The following PLIN3 variants were observed in gnomAD, a reference collection of about 807,000 sequenced individuals.
PLIN3 encodes perilipin 3, also known as perilipin-3.
PLIN3 carries 30 observed loss-of-function variants against 35.9 expected under a neutral mutation model. That is an observed-to-expected ratio of 0.84 (90% CI 0.62 to 1.13). The LOEUF is 1.13. Among genes scored for constraint, PLIN3 ranks in the 50% most tolerant of loss-of-function variants. The pLI is 0.00. For missense variants in PLIN3, 603 were observed against 596.9 expected (o/e 1.01, Z -0.11); for synonymous variants, 261 against 262.5 (o/e 0.99, Z 0.06).
chr19:4,861,554 A>G (rs965197012), intron 1 of PLIN3, 143 bp from the exon 2 acceptor site: 3 of 613,786 alleles, frequency 4.9e-6, no homozygotes, highest in East Asian at 2.8e-5. Flanking sequence ...CAGGCACAAG[A>G]GTGACCTCTG....
intron 2 of PLIN3, among the ~76,000 whole-genome samples, chr19:4,861,091 A>G (rs1186871087): frequency 6.6e-6 from 1 of 152,122 alleles, no homozygotes; most frequent in Non-Finnish European, 1.5e-5. Context: ...GGGGTTGGGG[A>G]GGGCAGGTAG....
chr19:4,848,770 G>C (rs1264486689), intron 5 of PLIN3, among the ~76,000 whole-genome samples: 1 of 152,138 alleles, frequency 6.6e-6, no homozygotes, highest in Non-Finnish European at 1.5e-5. Flanking sequence ...AGGAGGCTGA[G>C]GCAGGAGAAT....
intron 6 of PLIN3, among the ~76,000 whole-genome samples, chr19:4,847,083 TTTC>T (rs2030122704): frequency 6.6e-6 from 1 of 151,716 alleles, no homozygotes; most frequent in East Asian, 1.9e-4. Context: ...AGAGATGGGG[TTTC>T]ACCATGTTGG....
At chr19:4,846,686 G>A (rs867262362) in intron 6 of PLIN3, among the ~76,000 whole-genome samples, 15 of 151,970 alleles carry the variant, frequency 9.9e-5, no homozygotes, top group Admixed American at 4.6e-4. Context: ...GCAACAGAGC[G>A]AGACTCCGTT....
chr19:4,863,369 T>C (rs1169851262), intron 1 of PLIN3, among the ~76,000 whole-genome samples: 1 of 143,630 alleles, frequency 7.0e-6, no homozygotes, highest in African/African-American at 2.6e-5. Flanking sequence ...TGGTGGCGAA[T>C]GCCTGTAATC....
At chr19:4,843,718 C>T (rs2029987913) in intron 7 of PLIN3, among the ~76,000 whole-genome samples, 2 of 151,908 alleles carry the variant, frequency 1.3e-5, no homozygotes, top group African/African-American at 4.8e-5. Context: ...CGCCTGTGTT[C>T]CCAGCTACTT....
chr19:4,847,700 G>A lies in PLIN3; in HGVS notation c.825C>T (p.Val275=), dbSNP rs765305217. 1.2e-6 allele frequency: 2 copies of A among 1,600,090 alleles called. No homozygotes were observed. Among genetic ancestry groups the A allele is most frequent in the Non-Finnish European group, 1.7e-6 (2 of 1,173,948 alleles). ...CCCCCTGGAACCTCACCAGGCTTAG[G>A]ACCTGCGACAGCTGCAGCAGAGCCT... ...AQEALLQLSQ[V]LSLMETVKQG... is the part of the protein sequence containing the mutation. Residue 275 remains valine, a synonymous_variant, in exon 6 of 8, where the codon GTC becomes GTT. Coordinates refer to ENST00000221957, the MANE Select transcript of PLIN3 (RefSeq NM_005817.5).
chr19:4,865,740 T>TC (rs892064100), intron 1 of PLIN3, among the ~76,000 whole-genome samples: 1 of 140,196 alleles, frequency 7.1e-6, no homozygotes, highest in Non-Finnish European at 1.5e-5. Flanking sequence ...GTTTTTTTTT[T>TC]TGAGACGGAG....
intron 4 of PLIN3, among the ~76,000 whole-genome samples, chr19:4,858,692 G>GT (rs749727671): frequency 7.7e-5 from 4 of 51,946 alleles, no homozygotes; most frequent in East Asian, 5.0e-4. Context: ...AGAATATGGT[G>GT]TTTTTTTGGT....
chr19:4,847,897 G>C lies in PLIN3; in HGVS notation c.635-7C>G. The C allele has an allele frequency of 6.2e-7, 1 of 1,610,572 alleles. No homozygotes were observed. Among genetic ancestry groups the C allele is most frequent in the Non-Finnish European group, 8.5e-7 (1 of 1,177,902 alleles). On this transcript the variant is annotated splice_region_variant and splice_polypyrimidine_tract_variant and intron_variant, in intron 5 of 7. Coordinates refer to ENST00000221957, the MANE Select transcript of PLIN3 (RefSeq NM_005817.5). ...AGGGATGTGGCGATGCGGGCTGCAA[G>C]GAAAAGGAGAAGGGTCTCTGTGAAG...
chr19:4,839,509 A>C lies in PLIN3; in HGVS notation c.988T>G (p.Phe330Val), dbSNP rs2093625893. 9 of 1,537,688 alleles carry C rather than the reference A, an allele frequency of 5.9e-6. No individual in the cohort carries two copies. The East Asian group carries it at 2.0e-4, about 35-fold the overall frequency. The part of the protein sequence containing the change: ...EQVESRALTM[F>V]RDIAQQLQAT... ...TGCAGTTGCTGGGCAATGTCCCGGA[A>C]CATGGTGAGCGCCCGGGACTCGACC... is the stretch of plus-strand genomic sequence containing the variant. Residue 330 changes from phenylalanine to valine, a missense_variant, in exon 8 of 8, where the codon TTC becomes GTC. Transcript: ENST00000221957.
rs965437178 is a variant in PLIN3 at position 4,852,022 on chromosome 19, C to T, written c.628G>A (p.Glu210Lys). ...GCCCGCTGGCCACACTTACCCAGTTCGGCATCCGTAAGGGGCAGGTGGTTG... is the reference window on the plus strand; with the variant it reads ...GCCCGCTGGCCACACTTACCCAGTTTGGCATCCGTAAGGGGCAGGTGGTTG... ...ADNHLPLTDA[E>K]LARIATSLDG... Residue 210 changes from glutamate (E) to lysine (K), a missense_variant, in exon 5 of 8, where the codon GAA becomes AAA. By Grantham distance (56) the Glu-to-Lys change is moderately conservative. Coordinates refer to ENST00000221957, the MANE Select transcript of PLIN3 (RefSeq NM_005817.5). 30 of 1,612,876 alleles carry T rather than the reference C, an allele frequency of 1.9e-5. No individual in the cohort carries two copies. The highest frequency in any genetic ancestry group is 5.3e-5 in the African/African-American group (4 of 74,856).
intron 1 of PLIN3, among the ~76,000 whole-genome samples, chr19:4,861,766 G>C (rs1463707125): frequency 1.3e-5 from 2 of 151,720 alleles, no homozygotes; most frequent in Non-Finnish European, 2.9e-5. Context: ...CTCCCGAGTA[G>C]CTGGATTACA....
At chr19:4,849,851 C>A (rs1307436033) in intron 5 of PLIN3, among the ~76,000 whole-genome samples, 1 of 151,120 alleles carries the variant, frequency 6.6e-6, no homozygotes, top group African/African-American at 2.4e-5. Context: ...TGGGGTTTCA[C>A]CATGTTGGCC....
chr19:4,856,701 GGGT>G (rs1215141346), intron 4 of PLIN3, among the ~76,000 whole-genome samples: 1 of 144,244 alleles, frequency 6.9e-6, no homozygotes, highest in African/African-American at 2.6e-5. Context: ...ATCTGAAGGA[GGGT>G]GTTTTTTTTT....
intron 6 of PLIN3, among the ~76,000 whole-genome samples, chr19:4,845,942 AG>A: frequency 8.3e-6 from 1 of 120,134 alleles, no homozygotes; most frequent in Non-Finnish European, 1.8e-5. Flanking sequence ...AAAAAAAAAA[AG>A]GCCGGGCGCG....
intron 7 of PLIN3, among the ~76,000 whole-genome samples, chr19:4,843,240 C>G (rs940674947): frequency 1.3e-5 from 2 of 151,388 alleles, no homozygotes; most frequent in Non-Finnish European, 2.9e-5. Flanking sequence ...GGTGCGGTGG[C>G]TCACGCCTGT....
At chr19:4,840,123 A>G (rs2029874495) in intron 7 of PLIN3, among the ~76,000 whole-genome samples, 1 of 151,628 alleles carries the variant, frequency 6.6e-6, no homozygotes, top group South Asian at 2.1e-4. Context: ...GCGTGCCACC[A>G]CGCCCGTCTA....
At chr19:4,858,270 C>CAAAAAAAAA in intron 4 of PLIN3, among the ~76,000 whole-genome samples, 1 of 51,244 alleles carries the variant, frequency 2.0e-5, no homozygotes. Context: ...GACCCCGTCT[C>CAAAAAAAAA]AAAAAAAAAA....
Sources: allele counts gnomAD v4.1 joint callset (sites outside exome capture counted in the v4.1 genomes callset), GRCh38; gene constraint gnomAD v4.1.1; transcripts MANE v1.5; gene names NCBI Gene and HGNC (gene_info 2026-07-23, HGNC 2026-07-21).